CCDC3: variants seen among roughly 807,000 people sequenced by gnomAD.
The protein encoded by CCDC3 is coiled-coil domain-containing protein 3.
In CCDC3, 24 loss-of-function variants were observed where a neutral mutation model predicts 21.4. The ratio of observed to expected loss-of-function variants is 1.12; its 90% CI spans 0.81 to 1.58. The LOEUF (loss-of-function observed/expected upper bound fraction) is 1.58. Ranked by LOEUF, CCDC3 falls within the 40% of genes most tolerant of loss-of-function variation. The pLI is 0.00. For synonymous variants in CCDC3, 186 were observed against 166.0 expected (o/e 1.12, Z -0.93); for missense variants, 425 against 360.9 (o/e 1.18, Z -1.44).
chr10:12,980,492 G>T (rs1835480258), intron 2 of CCDC3, among the ~76,000 whole-genome samples: 1 of 152,284 alleles, frequency 6.6e-6, no homozygotes, highest in Non-Finnish European at 1.5e-5. Flanking sequence ...GAATCTGCTG[G>T]TGTCTGTGAT....
intron 2 of CCDC3, among the ~76,000 whole-genome samples, chr10:12,901,636 C>G (rs1318041164): frequency 2.0e-5 from 3 of 152,224 alleles, no homozygotes; most frequent in Non-Finnish European, 4.4e-5. Context: ...GTGGGATGAT[C>G]ATGGTTGTTG....
intron 2 of CCDC3, among the ~76,000 whole-genome samples, chr10:12,900,545 G>T (rs1287823309): frequency 8.6e-6 from 1 of 116,378 alleles, no homozygotes; most frequent in African/African-American, 3.3e-5. Context: ...AAAAAAAAAA[G>T]CCGGGCGTCG....
chr10:12,942,154 C>A (rs1460478663), intron 2 of CCDC3, among the ~76,000 whole-genome samples: 1 of 152,150 alleles, frequency 6.6e-6, no homozygotes, highest in East Asian at 1.9e-4. Flanking sequence ...GATGACTCAT[C>A]AGAAGAAAAA....
At chr10:12,910,093 CTT>C (rs1184200501) in intron 2 of CCDC3, among the ~76,000 whole-genome samples, 1 of 152,240 alleles carries the variant, frequency 6.6e-6, no homozygotes, top group Non-Finnish European at 1.5e-5. Context: ...CCAGGTCCTG[CTT>C]CAGCTAAGAG....
chr10:12,935,590 C>T (rs1361979213), intron 2 of CCDC3, among the ~76,000 whole-genome samples: 2 of 152,026 alleles, frequency 1.3e-5, no homozygotes, highest in African/African-American at 4.8e-5. Context: ...TCTTTCTTAG[C>T]ATATCAATTA....
At chr10:13,080,128 G>A (rs1309451515) in intron 3 of CCDC3, among the ~76,000 whole-genome samples, 1 of 152,186 alleles carries the variant, frequency 6.6e-6, no homozygotes, top group East Asian at 1.9e-4. Context: ...GGCCCAGACT[G>A]CAGCCGCATG....
chr10:12,975,290 C>T (rs1348984267), intron 2 of CCDC3, among the ~76,000 whole-genome samples: 1 of 152,164 alleles, frequency 6.6e-6, no homozygotes, highest in African/African-American at 2.4e-5. Context: ...GTCCTCCCTC[C>T]ACCCAGACAC....
intron 2 of CCDC3, among the ~76,000 whole-genome samples, chr10:12,919,331 T>A (rs914783982): frequency 1.3e-5 from 2 of 152,182 alleles, no homozygotes; most frequent in African/African-American, 4.8e-5. Flanking sequence ...GGCTCACGCC[T>A]GTAATCCCAG....
rs144210378 is a variant in CCDC3, at chr10:12,963,762, A to G, written c.549+34576T>C. On this transcript the variant is annotated intron_variant, in intron 2 of 2. Coordinates refer to ENST00000378825, the MANE Select transcript of CCDC3 (RefSeq NM_031455.4). ...TGCCCAGCGAATTTTTTGTATTTTTAGTAGAGATGGGGTTTCACCATGTTG... is the reference window on the plus strand; with the variant it reads ...TGCCCAGCGAATTTTTTGTATTTTTGGTAGAGATGGGGTTTCACCATGTTG... Among the ~76,000 whole-genome samples, 444 of 151,994 alleles carry G rather than the reference A, an allele frequency of 2.9e-3. 1 individual carries two copies. The highest frequency in any genetic ancestry group is 9.8e-3 in the African/African-American group (406 of 41,488).
At chr10:13,091,566 G>C (rs1832570648) in intron 3 of CCDC3, among the ~76,000 whole-genome samples, 2 of 152,040 alleles carry the variant, frequency 1.3e-5, no homozygotes, top group South Asian at 4.1e-4. Flanking sequence ...CAGCCAGGAT[G>C]GACAAAAACA....
At chr10:13,053,561 TAATAA>T (rs1159832201) in intron 4 of CCDC3, among the ~76,000 whole-genome samples, 3 of 152,140 alleles carry the variant, frequency 2.0e-5, no homozygotes, top group African/African-American at 7.2e-5. Flanking sequence ...ATCTCTAAAA[TAATAA>T]AATAAAATAA....
At chr10:12,900,114 CCAT>C (rs911295195) in intron 2 of CCDC3, among the ~76,000 whole-genome samples, 2 of 152,214 alleles carry the variant, frequency 1.3e-5, no homozygotes, top group African/African-American at 4.8e-5. Flanking sequence ...TTCACCTCCA[CCAT>C]GATTGTGAGA....
chr10:13,091,218 C>T (rs1832564202), intron 3 of CCDC3, among the ~76,000 whole-genome samples: 2 of 152,198 alleles, frequency 1.3e-5, no homozygotes, highest in African/African-American at 2.4e-5. Context: ...TCTGGCAACC[C>T]ACTCACAGAC....
intron 3 of CCDC3, among the ~76,000 whole-genome samples, chr10:13,082,926 A>G (rs1029610059): frequency 6.6e-6 from 1 of 152,220 alleles, no homozygotes; most frequent in Non-Finnish European, 1.5e-5. Context: ...TCCTATTTCT[A>G]GTACAACTAT....
chr10:12,949,728 TCA>T lies in CCDC3; in HGVS notation c.549+48608_549+48609del, dbSNP rs1834980928. 2.0e-5 allele frequency among the ~76,000 whole-genome samples: 3 copies of T among 152,322 alleles called. No homozygotes were observed. The South Asian group carries it at 6.2e-4, about 32-fold the overall frequency. On this transcript the variant is annotated intron_variant, in intron 2 of 2. Transcript: ENST00000378825. The stretch of plus-strand genomic sequence containing the variant: ...GCCTGGCTCTTTTCAGGAGATCCTA[TCA>T]GATCCTGAAGCAAAAGACTATTCCA...
intron 2 of CCDC3, among the ~76,000 whole-genome samples, chr10:12,980,404 C>T (rs1835478319): frequency 6.6e-6 from 1 of 152,186 alleles, no homozygotes; most frequent in Admixed American, 6.5e-5. Context: ...TGCGCTTATT[C>T]TAACCACAGC....
At chr10:13,092,580 A>C (rs1446161839) in intron 3 of CCDC3, among the ~76,000 whole-genome samples, 10 of 152,242 alleles carry the variant, frequency 6.6e-5, no homozygotes, top group Non-Finnish European at 1.0e-4. Context: ...CTGTAAAGCT[A>C]ACTCACATTG....
chr10:13,009,081 G>C (rs769597583), intron 5 of CCDC3, among the ~76,000 whole-genome samples: 3 of 152,062 alleles, frequency 2.0e-5, no homozygotes, highest in African/African-American at 7.2e-5. Context: ...TTAATAAGTG[G>C]AATACAAGAT....
intron 2 of CCDC3, among the ~76,000 whole-genome samples, chr10:12,915,990 G>A (rs1589003085): frequency 6.6e-6 from 1 of 152,078 alleles, no homozygotes; most frequent in African/African-American, 2.4e-5. Context: ...TCTGGAGCCT[G>A]GGTTCACAGT....
Sources: allele counts gnomAD v4.1 joint callset (sites outside exome capture counted in the v4.1 genomes callset), GRCh38; gene constraint gnomAD v4.1.1; transcripts MANE v1.5; gene names NCBI Gene and HGNC (gene_info 2026-07-23, HGNC 2026-07-21).